TRO: variants seen among roughly 807,000 people sequenced by gnomAD.
TRO encodes the protein trophinin, also known as MAGE superfamily protein.
Under a neutral mutation model 42.3 loss-of-function variants are expected in TRO, and 29 were observed. The ratio of observed to expected loss-of-function variants is 0.68; its 90% CI spans 0.51 to 0.93. The LOEUF (loss-of-function observed/expected upper bound fraction) is 0.93, where lower values mean the gene tolerates loss of function less well. Among genes scored for constraint, TRO ranks in the 40% least tolerant of loss-of-function variants. The pLI is 0.00. For missense variants in TRO, 963 were observed against 1,127.7 expected, an observed-to-expected ratio of 0.85 and a Z score of 2.09; for synonymous variants, 384 against 425.2, an observed-to-expected ratio of 0.90 and a Z score of 1.19.
At chrX:54,927,019 A>G (rs1240880437) in intron 9 of TRO, 24 bp from the exon 10 acceptor site, 1 of 1,208,272 alleles carries the variant, frequency 8.3e-7, no homozygotes, top group South Asian at 1.8e-5. Context: ...ATCTGTGTTC[A>G]TGGGTTATTT....
intron 1 of TRO, 111 bp from the exon 2 acceptor site, chrX:54,922,090 ATG>A: frequency 1.8e-6 from 1 of 541,191 alleles, no homozygotes; most frequent in Non-Finnish European, 2.8e-6. Context: ...TTTTTTAGGT[ATG>A]AAAACCCAGG....
rs200596378 is a variant in TRO, at chrX:54,930,942, T to C, written c.4218T>C (p.Phe1406=). ...FGGGPNTGAG[F]GGGPSTSAGF... is the part of the protein sequence containing the mutation. ...GTGGACCAAACACTGGTGCTGGCTT[T>C]GGTGGTGGACCGAGCACCAGTGCTG... The change falls in exon 12 of 13, where the codon TTT becomes TTC. Residue 1406 remains phenylalanine, a synonymous_variant. Coordinates refer to ENST00000173898, the MANE Select transcript of TRO (RefSeq NM_001039705.3). The C allele has an allele frequency of 3.6e-4, 432 of 1,207,678 alleles. 1 individual carries two copies. The highest frequency in any genetic ancestry group is 1.0e-4 in the Non-Finnish European group (91 of 893,877).
At chrX:54,926,309 T>G in intron 7 of TRO, 101 bp from the exon 8 acceptor site, 3 of 804,517 alleles carry the variant, frequency 3.7e-6, no homozygotes, top group Non-Finnish European at 5.4e-6. Context: ...GTTAGCCTGG[T>G]GAGCTGGCTG....
Position 54,924,495 on chromosome X carries a change from G to A in TRO, c.1281G>A (p.Arg427=). Reference sequence around the variant, plus strand: ...ATGAGAGAAGTGGCAGTAATTACAGGCGGATCCCATGGGGCCGGAGGCCTG... The same window carrying A: ...ATGAGAGAAGTGGCAGTAATTACAGACGGATCCCATGGGGCCGGAGGCCTG... The part of the protein sequence containing the change: ...NGDERSGSNY[R]RIPWGRRPAP... The change falls in exon 4 of 13, where the codon AGG becomes AGA. Residue 427 remains arginine (R), a synonymous_variant. Transcript: ENST00000173898. 1.7e-6 allele frequency: 2 copies of A among 1,209,543 alleles called. No homozygotes were observed. The highest frequency in any genetic ancestry group is 2.2e-6 in the Non-Finnish European group (2 of 894,549).
Position 54,922,570 on chromosome X carries a change from G to A in TRO, c.46-8G>A. 1.7e-6 allele frequency: 2 copies of A among 1,198,023 alleles called. No individual in the cohort carries two copies. The highest frequency in any genetic ancestry group is 1.1e-6 in the Non-Finnish European group (1 of 888,690). On this transcript the variant is annotated splice_polypyrimidine_tract_variant and splice_region_variant and intron_variant, in intron 2 of 12. Transcript: ENST00000173898. ...ATGGCCCAGAGGATGGTAATCCTAA[G>A]TGTGTAGGGCCCTCTGCCTCCCCCG... is the stretch of plus-strand genomic sequence containing the variant.
rs1488456816 is a variant in TRO at position 54,920,841 on chromosome X, T to C, written c.-82T>C. 3 of 109,628 alleles carry C rather than the reference T, an allele frequency of 2.7e-5. No homozygotes were observed. Among genetic ancestry groups the C allele is most frequent in the Non-Finnish European group, 3.8e-5 (2 of 52,481 alleles). The allele number at this position is 109,628 out of a possible 1,213,427, so 9.0% of individuals were successfully genotyped here. A position where few individuals can be genotyped will look rare whatever the true frequency, so the allele number is the denominator to read the frequency against. ...ATAGGCTCAGACACAAGGAGAGGCTTGGAGAGAGCAGACGCCTTCTGGATT... is the reference window on the plus strand; with the variant it reads ...ATAGGCTCAGACACAAGGAGAGGCTCGGAGAGAGCAGACGCCTTCTGGATT... On this transcript the variant is annotated 5_prime_UTR_variant, in exon 1 of 13. Coordinates refer to ENST00000173898, the MANE Select transcript of TRO (RefSeq NM_001039705.3).
rs775663349 is a variant in TRO at position 54,924,504 on chromosome X, A to G, written c.1290A>G (p.Pro430=). 2 of 1,209,748 alleles carry G rather than the reference A, an allele frequency of 1.7e-6. No individual in the cohort carries two copies. The highest frequency in any genetic ancestry group is 2.2e-5 in the Admixed American group (1 of 45,851). The change falls in exon 4 of 13, where the codon CCA becomes CCG. Residue 430 remains proline (P), a synonymous_variant. Transcript: ENST00000173898. ...GTGGCAGTAATTACAGGCGGATCCC[A>G]TGGGGCCGGAGGCCTGCACCACCGC... ...ERSGSNYRRI[P]WGRRPAPPRD...
chrX:54,922,365 C>T, intron 2 of TRO, 74 bp downstream of exon 2: 4 of 1,101,027 alleles, frequency 3.6e-6, no homozygotes, highest in Non-Finnish European at 4.9e-6. Flanking sequence ...AGACCCCTTC[C>T]ACCGTGTAGT....
At position 54,930,555 on chromosome X, in the gene TRO, T is replaced by C. The variant is rs767808944; in HGVS notation, c.3831T>C (p.Ala1277=). 5.8e-6 allele frequency: 7 copies of C among 1,212,114 alleles called. No individual in the cohort carries two copies. In the South Asian group the frequency reaches 1.2e-4, roughly 21 times the overall value. ...AGFSGGLGTS[A]GFGGGLVTSD... ...TCAGTGGCGGACTGGGCACCAGTGC[T>C]GGCTTTGGTGGTGGACTGGTCACTA... The change falls in exon 12 of 13, where the codon GCT becomes GCC. Residue 1277 remains alanine, a synonymous_variant. Transcript: ENST00000173898.
Position 54,929,628 on chromosome X carries a change from C to A in TRO, c.2904C>A (p.Gly968=), listed in dbSNP as rs1932928962. 8 of 1,211,724 alleles carry A rather than the reference C, an allele frequency of 6.6e-6. No homozygotes were observed. The highest frequency in any genetic ancestry group is 7.8e-6 in the Non-Finnish European group (7 of 895,366). ...ATGGCTCTCCCAGCACTGGTGCTGGCTTTGGTGGTGCTCTCAACACCAGTG... is the reference window on the plus strand; with the variant it reads ...ATGGCTCTCCCAGCACTGGTGCTGGATTTGGTGGTGCTCTCAACACCAGTG... The part of the protein sequence containing the change: ...CFDGSPSTGA[G]FGGALNTSAS... The change falls in exon 12 of 13, where the codon GGC becomes GGA. Residue 968 remains glycine (G), a synonymous_variant. Coordinates refer to ENST00000173898, the MANE Select transcript of TRO (RefSeq NM_001039705.3).
chrX:54,922,601 C>A lies in TRO; in HGVS notation c.69C>A (p.Ser23Arg), dbSNP rs763602577. Residue 23 changes from serine to arginine, a missense_variant, in exon 3 of 13, where the codon AGC (serine) becomes AGA (arginine). Physicochemically the swap from Ser to Arg is moderately radical, Grantham distance 110. This residue lies in a region of TRO where 322 missense variants were observed against 316.5 expected (regional missense o/e 1.02). Coordinates refer to ENST00000173898, the MANE Select transcript of TRO (RefSeq NM_001039705.3). ...AGGGCCCTCTGCCTCCCCCGGGGAGCCTGGGGCTTCCCTTCCCTCCAGATA... is the reference window on the plus strand; with the variant it reads ...AGGGCCCTCTGCCTCCCCCGGGGAGACTGGGGCTTCCCTTCCCTCCAGATA... ...LFQGPLPPPG[S>R]LGLPFPPDIQ... The A allele has an allele frequency of 8.3e-7, 1 of 1,207,672 alleles. No homozygotes were observed. The highest frequency in any genetic ancestry group is 1.8e-5 in the African/African-American group (1 of 56,968).
intron 6 of TRO, 115 bp downstream of exon 6, chrX:54,925,183 T>C: frequency 1.4e-6 from 1 of 722,986 alleles, no homozygotes. Context: ...CCCATTACTG[T>C]GTGAATGGGC....
chrX:54,928,017 G>T (rs1480280895), intron 11 of TRO, among the ~76,000 whole-genome samples: 1 of 112,756 alleles, frequency 8.9e-6, no homozygotes, highest in Non-Finnish European at 1.9e-5. Context: ...TAGACTGGGT[G>T]GATTAAAAAA....
chrX:54,921,950 G>T lies in TRO; in HGVS notation c.-44-253G>T, dbSNP rs1932121486. 1.1e-5 allele frequency: 3 copies of T among 271,432 alleles called. No individual in the cohort carries two copies. In the South Asian group the frequency reaches 4.9e-4, roughly 44 times the overall value. 22.4% of individuals were successfully genotyped at this position (271,432 alleles called of 1,213,427 possible). On this transcript the variant is annotated intron_variant, in intron 1 of 12. Coordinates refer to ENST00000173898, the MANE Select transcript of TRO (RefSeq NM_001039705.3). ...GATAGAGGTGGGCCTAAGATGGGGG[G>T]TGGGGGCGCCTCTAGTCGGTGCGCA... is the stretch of plus-strand genomic sequence containing the variant.
intron 9 of TRO, 72 bp from the exon 10 acceptor site, chrX:54,926,971 T>G: frequency 8.9e-7 from 1 of 1,122,910 alleles, no homozygotes; most frequent in Non-Finnish European, 1.2e-6. Context: ...GTCTCTTCCA[T>G]GTTGGGAAAT....
Position 54,922,768 on chromosome X carries a change from T to A in TRO, c.236T>A (p.Ile79Asn). 1 of 1,204,000 alleles carries A rather than the reference T, an allele frequency of 8.3e-7. No homozygotes were observed. Among genetic ancestry groups the A allele is most frequent in the Non-Finnish European group, 1.1e-6 (1 of 891,398 alleles). ...SKTKKAPIKTITKAAPAAPPV... is the reference protein window; with the variant it reads ...SKTKKAPIKTNTKAAPAAPPV... ...ACCAAGAAGGCCCCTATAAAGACTA[T>A]TACTAAGGCTGCACCTGCTGCCCCT... The change falls in exon 3 of 13, where the codon ATT (isoleucine) becomes AAT (asparagine). Residue 79 changes from isoleucine to asparagine, a missense_variant. By Grantham distance (149) the Ile-to-Asn change is moderately radical. Around this residue, in one of 2 missense-constraint regions of TRO, gnomAD observed 322 missense variants for 316.5 expected, o/e 1.02. Coordinates refer to ENST00000173898, the MANE Select transcript of TRO (RefSeq NM_001039705.3).
chrX:54,930,548 C>T lies in TRO; in HGVS notation c.3824C>T (p.Thr1275Ile). The T allele has an allele frequency of 8.3e-7, 1 of 1,211,680 alleles. No individual in the cohort carries two copies. Among genetic ancestry groups the T allele is most frequent in the African/African-American group, 1.7e-5 (1 of 57,804 alleles). ...TSAGFSGGLG[T>I]SAGFGGGLVT... Reference sequence around the variant, plus strand: ...GCTGGCTTCAGTGGCGGACTGGGCACCAGTGCTGGCTTTGGTGGTGGACTG... The same window carrying T: ...GCTGGCTTCAGTGGCGGACTGGGCATCAGTGCTGGCTTTGGTGGTGGACTG... The change falls in exon 12 of 13, where the codon ACC becomes ATC. Residue 1275 changes from threonine to isoleucine, a missense_variant. Around this residue, in one of 2 missense-constraint regions of TRO, gnomAD observed 641 missense variants for 811.3 expected, o/e 0.79. Transcript: ENST00000173898.
At position 54,930,011 on chromosome X, in the gene TRO, A is replaced by G; in HGVS notation, c.3287A>G (p.Asn1096Ser). The change falls in exon 12 of 13, where the codon AAC becomes AGC. Residue 1096 changes from asparagine (N) to serine (S), a missense_variant. Coordinates refer to ENST00000173898, the MANE Select transcript of TRO (RefSeq NM_001039705.3). ...TGCTTCAGTGGTGCACCAATCACCA[A>G]CCCTGGCTTTGGCGGTGCATTTAGC... ...SACFSGAPIT[N>S]PGFGGAFSTS... 1 of 1,207,435 alleles carries G rather than the reference A, an allele frequency of 8.3e-7. No homozygotes were observed. Among genetic ancestry groups the G allele is most frequent in the Non-Finnish European group, 1.1e-6 (1 of 894,112 alleles).
At chrX:54,927,226 C>T in intron 10 of TRO, 121 bp downstream of exon 10, 1 of 795,367 alleles carries the variant, frequency 1.3e-6, no homozygotes, top group South Asian at 2.5e-5. Context: ...ATCCTGTGTC[C>T]TAGAACTGAT....
Sources: allele counts gnomAD v4.1 joint callset (sites outside exome capture counted in the v4.1 genomes callset), GRCh38; gene constraint gnomAD v4.1.1; regional missense constraint gnomAD v4.1.1; transcripts MANE v1.5; gene names NCBI Gene and HGNC (gene_info 2026-07-23, HGNC 2026-07-21).